ARHGEF28: variants seen among roughly 807,000 people sequenced by gnomAD.
ARHGEF28 encodes Rho guanine nucleotide exchange factor 28, also known as 190 kDa guanine nucleotide exchange factor.
Under a neutral mutation model 206.6 loss-of-function variants are expected in ARHGEF28, and 152 were observed. The ratio of observed to expected loss-of-function variants is 0.74; its 90% CI spans 0.64 to 0.84. The LOEUF is 0.84. Among genes scored for constraint, ARHGEF28 ranks in the 40% least tolerant of loss-of-function variants. The probability of loss-of-function intolerance (pLI) is 0.00; values close to 1 mark genes in which losing one functional copy is unlikely to be tolerated. For synonymous variants in ARHGEF28, 763 were observed against 776.4 expected, an observed-to-expected ratio of 0.98 and a Z score of 0.29; for missense variants, 2,028 against 2,073.2, an observed-to-expected ratio of 0.98 and a Z score of 0.42.
In ARHGEF28 at chr5:73,795,401, A is replaced by G. The variant is rs200519677; in HGVS notation, c.1024+10A>G. 8.5e-5 allele frequency: 137 copies of G among 1,610,846 alleles called. No homozygotes were observed. The highest frequency in any genetic ancestry group is 1.1e-4 in the Non-Finnish European group (130 of 1,177,278). ...CACAGCCTAGATTTGGGTATGAAAT[A>G]ACGCTTTTACCTATACTCGTAGGGG... On this transcript the variant is annotated intron_variant, in intron 9 of 35. Transcript: ENST00000513042.
intron 9 of ARHGEF28, among the ~76,000 whole-genome samples, chr5:73,807,097 C>T (rs1375399164): frequency 9.0e-5 from 13 of 144,578 alleles, no homozygotes; most frequent in African/African-American, 3.3e-4. Context: ...GGATGCTGCT[C>T]TCCTGAAGTC....
chr5:73,629,262 C>CT (rs1370769658), intron 1 of ARHGEF28, among the ~76,000 whole-genome samples: 1 of 152,010 alleles, frequency 6.6e-6, no homozygotes, highest in African/African-American at 2.4e-5. Flanking sequence ...CTTTGAGAGG[C>CT]TGAAGTGGGA....
intron 22 of ARHGEF28, among the ~76,000 whole-genome samples, chr5:73,873,648 T>C (rs1234115153): frequency 6.6e-6 from 1 of 152,206 alleles, no homozygotes; most frequent in Non-Finnish European, 1.5e-5. Flanking sequence ...GTACTGTTTT[T>C]TGAAGCTGTT....
chr5:73,672,837 T>C (rs541871723), intron 1 of ARHGEF28, among the ~76,000 whole-genome samples: 1 of 152,318 alleles, frequency 6.6e-6, no homozygotes, highest in African/African-American at 2.4e-5. Flanking sequence ...TGTGACAGGT[T>C]TGGCGGAACA....
chr5:73,797,171 A>T (rs1003076335), intron 9 of ARHGEF28, among the ~76,000 whole-genome samples: 1 of 152,178 alleles, frequency 6.6e-6, no homozygotes, highest in African/African-American at 2.4e-5. Context: ...TATGAAAAGG[A>T]CCATGATGAG....
At chr5:73,923,600 GCCTACTA>G (rs1763642986) in intron 35 of ARHGEF28, among the ~76,000 whole-genome samples, 1 of 152,158 alleles carries the variant, frequency 6.6e-6, no homozygotes, top group Non-Finnish European at 1.5e-5. Context: ...TCAATCTCTT[GCCTACTA>G]TGATAGCCAG....
intron 26 of ARHGEF28, 112 bp downstream of exon 26, chr5:73,887,791 C>G: frequency 1.2e-6 from 1 of 868,748 alleles, no homozygotes; most frequent in Non-Finnish European, 1.7e-6. Context: ...GTATATGCTT[C>G]TGTTATGTTT....
chr5:73,858,079 A>C lies in ARHGEF28; in HGVS notation c.1915-8A>C. The C allele has an allele frequency of 6.3e-7, 1 of 1,596,708 alleles. No homozygotes were observed. The highest frequency in any genetic ancestry group is 8.5e-7 in the Non-Finnish European group (1 of 1,174,802). Reference sequence around the variant, plus strand: ...CCCACTTTCCTACTGCTGCTGCTGCATCTGAAGACAAAAAGCAAGGATGCC... The same window carrying C: ...CCCACTTTCCTACTGCTGCTGCTGCCTCTGAAGACAAAAAGCAAGGATGCC... On this transcript the variant is annotated splice_polypyrimidine_tract_variant and splice_region_variant and intron_variant, in intron 15 of 35. Transcript: ENST00000513042.
chr5:73,758,306 A>G (rs1752420656), intron 4 of ARHGEF28, among the ~76,000 whole-genome samples: 2 of 152,250 alleles, frequency 1.3e-5, no homozygotes, highest in African/African-American at 4.8e-5. Context: ...GAGGTCATAT[A>G]AAGAATATTT....
intron 35 of ARHGEF28, among the ~76,000 whole-genome samples, chr5:73,938,785 G>C (rs1261405135): frequency 6.6e-6 from 1 of 152,196 alleles, no homozygotes; most frequent in Non-Finnish European, 1.5e-5. Flanking sequence ...TGGTAAAATA[G>C]GATTCAGAGC....
At chr5:73,718,602 G>A (rs921444013) in intron 2 of ARHGEF28, among the ~76,000 whole-genome samples, 4 of 152,126 alleles carry the variant, frequency 2.6e-5, no homozygotes, top group African/African-American at 9.7e-5. Flanking sequence ...TTTCAGCCAT[G>A]TCTGGGCCCA....
chr5:73,891,539 CT>C lies in ARHGEF28; in HGVS notation c.3388-503del, dbSNP rs569877219. Among the ~76,000 whole-genome samples, 322 of 148,638 alleles carry C rather than the reference CT, an allele frequency of 2.2e-3. 2 individuals are homozygous for C. In the Middle Eastern group the frequency reaches 0.055, roughly 25 times the overall value. On this transcript the variant is annotated intron_variant, in intron 26 of 35. Coordinates refer to ENST00000513042, the MANE Select transcript of ARHGEF28 (RefSeq NM_001177693.2). ...AGTTCAGTTTTTAAACAACCAATTCCTTTTTTTTTTCTTTTTTTGAGATGGA... is the reference window on the plus strand; with the variant it reads ...AGTTCAGTTTTTAAACAACCAATTCCTTTTTTTTTCTTTTTTTGAGATGGA...
At chr5:73,666,984 C>G (rs532922559) in intron 1 of ARHGEF28, among the ~76,000 whole-genome samples, 1 of 152,250 alleles carries the variant, frequency 6.6e-6, no homozygotes, top group South Asian at 2.1e-4. Context: ...GCAGAGGGCA[C>G]AGAAACCCTT....
At chr5:73,858,300 A>G (rs1759179237) in intron 16 of ARHGEF28, 81 bp downstream of exon 16, 4 of 1,478,124 alleles carry the variant, frequency 2.7e-6, no homozygotes, top group Non-Finnish European at 2.7e-6. Context: ...TGCTCAATAC[A>G]TTTACATAAA....
rs1274370232 is a variant in ARHGEF28, at chr5:73,941,053, C to T, written c.*40C>T. 10 of 1,419,914 alleles carry T rather than the reference C, an allele frequency of 7.0e-6. No homozygotes were observed. In the East Asian group the frequency reaches 8.0e-5, roughly 11 times the overall value. The allele number at this position is 1,419,914 out of a possible 1,614,324, so 88.0% of individuals were successfully genotyped here. A position where few individuals can be genotyped will look rare whatever the true frequency, so the allele number is the denominator to read the frequency against. ...TTCCAAACAAAACAAAACACTGGCA[C>T]TTTTGGGAGAAACTTTTTGTCTCCA... On this transcript the variant is annotated 3_prime_UTR_variant, in exon 36 of 36. Coordinates refer to ENST00000513042, the MANE Select transcript of ARHGEF28 (RefSeq NM_001177693.2).
At chr5:73,795,965 G>A (rs1431339296) in intron 9 of ARHGEF28, among the ~76,000 whole-genome samples, 1 of 152,176 alleles carries the variant, frequency 6.6e-6, no homozygotes, top group Non-Finnish European at 1.5e-5. Flanking sequence ...GCAAGGTAGA[G>A]GTATTTCCTC....
intron 2 of ARHGEF28, among the ~76,000 whole-genome samples, chr5:73,739,857 AAATAAAT>A (rs1751261986): frequency 2.0e-5 from 3 of 147,842 alleles, no homozygotes; most frequent in Non-Finnish European, 4.5e-5. Flanking sequence ...ATAAATAAAT[AAATAAAT>A]AAAAATAAAA....
intron 2 of ARHGEF28, among the ~76,000 whole-genome samples, chr5:73,733,205 T>C (rs1750715522): frequency 6.6e-6 from 1 of 152,196 alleles, no homozygotes; most frequent in African/African-American, 2.4e-5. Flanking sequence ...ATATCCTGTG[T>C]TATTCCTAAA....
At position 73,795,406 on chromosome 5, in the gene ARHGEF28, T is replaced by C. The variant is rs948896107; in HGVS notation, c.1024+15T>C. On this transcript the variant is annotated intron_variant, in intron 9 of 35. Transcript: ENST00000513042. ...CCTAGATTTGGGTATGAAATAACGC[T>C]TTTACCTATACTCGTAGGGGCATCC... The C allele has an allele frequency of 1.1e-5, 17 of 1,606,114 alleles. No homozygotes were observed. Among genetic ancestry groups the C allele is most frequent in the Non-Finnish European group, 1.4e-5 (17 of 1,173,230 alleles).
Sources: allele counts gnomAD v4.1 joint callset (sites outside exome capture counted in the v4.1 genomes callset), GRCh38; gene constraint gnomAD v4.1.1; transcripts MANE v1.5; gene names NCBI Gene and HGNC (gene_info 2026-07-23, HGNC 2026-07-21).